The following RXRA variants were observed in gnomAD, a reference collection of about 807,000 sequenced individuals.
The protein encoded by RXRA is retinoid X receptor alpha.
Under a neutral mutation model 44.5 loss-of-function variants are expected in RXRA, and 5 were observed. The ratio of observed to expected loss-of-function variants is 0.11; its 90% CI spans 0.06 to 0.24. The LOEUF is 0.24. Ranked by LOEUF, RXRA falls within the 10% of genes least tolerant of loss-of-function variation. The probability of loss-of-function intolerance (pLI) is 1.00; values close to 1 mark genes in which losing one functional copy is unlikely to be tolerated. For synonymous variants in RXRA, 291 were observed against 271.4 expected, an observed-to-expected ratio of 1.07 and a Z score of -0.71; for missense variants, 412 against 646.5, an observed-to-expected ratio of 0.64 and a Z score of 3.93.
intron 1 of RXRA, among the ~76,000 whole-genome samples, chr9:134,348,795 T>TCATGTACCTCC (rs111279776): frequency 0.014 from 2,092 of 151,988 alleles, 28 homozygotes; most frequent in South Asian, 0.067. Flanking sequence ...TCAGAAGACT[T>TCATGTACCTCC]CCCGGACGCT....
At chr9:134,379,419 T>C (rs916008288) in intron 1 of RXRA, 3 of 987,446 alleles carry the variant, frequency 3.0e-6, no homozygotes, top group African/African-American at 3.5e-5. Context: ...GGGCCTCCCT[T>C]CACTTCCTGG....
intron 1 of RXRA, among the ~76,000 whole-genome samples, chr9:134,335,199 T>G (rs1176175308): frequency 5.9e-5 from 9 of 152,152 alleles, no homozygotes; most frequent in African/African-American, 2.2e-4. Context: ...AACTAACTGG[T>G]GAGGTAGGCT....
rs1191199816 is a variant in RXRA, at chr9:134,365,679, C to T, written c.29-35953C>T. ...AGTGGGGATGAGTTTCAGGTCTGTT[C>T]TTGGTGGCTGTTAACTCTAGGCCAG... is the stretch of plus-strand genomic sequence containing the variant. On this transcript the variant is annotated intron_variant, in intron 1 of 9. Transcript: ENST00000481739. This position sits in a 1 kb window ranked among gnomAD's most constrained non-coding sequence, Gnocchi z 4.0. Among the ~76,000 whole-genome samples the T allele has an allele frequency of 6.6e-6, 1 of 151,528 alleles. No homozygotes were observed. The highest frequency in any genetic ancestry group is 6.6e-5 in the Admixed American group (1 of 15,190).
intron 1 of RXRA, among the ~76,000 whole-genome samples, chr9:134,341,978 C>G (rs569524871): frequency 6.6e-6 from 1 of 152,272 alleles, no homozygotes; most frequent in Admixed American, 6.5e-5. Context: ...CCGCTGTGCT[C>G]CAGGGTCTGT....
intron 8 of RXRA, among the ~76,000 whole-genome samples, chr9:134,432,994 G>A (rs1407490886): frequency 6.6e-6 from 1 of 152,134 alleles, no homozygotes; most frequent in East Asian, 1.9e-4. Context: ...GCTGGGGTGT[G>A]GAGGGAGAGG....
chr9:134,361,915 C>T (rs568339520), intron 1 of RXRA, among the ~76,000 whole-genome samples: 2 of 152,312 alleles, frequency 1.3e-5, no homozygotes, highest in East Asian at 1.9e-4. Context: ...TGTGTTCATG[C>T]CCTGGGGGGC....
chr9:134,374,144 C>T (rs1230671457), intron 1 of RXRA: 1 of 152,298 alleles, frequency 6.6e-6, no homozygotes, highest in Non-Finnish European at 1.5e-5. Flanking sequence ...AGGGTGCCAT[C>T]CCCTTTCTGG....
chr9:134,420,285 G>A (rs1831307647), intron 5 of RXRA, among the ~76,000 whole-genome samples: 1 of 152,236 alleles, frequency 6.6e-6, no homozygotes, highest in Admixed American at 6.5e-5. Flanking sequence ...AGAGGCTGAG[G>A]CTAAGAAGCC....
intron 1 of RXRA, among the ~76,000 whole-genome samples, chr9:134,350,976 AG>A (rs1202872145): frequency 6.6e-6 from 1 of 152,130 alleles, no homozygotes; most frequent in African/African-American, 2.4e-5. Flanking sequence ...TGCCTCAGCA[AG>A]GGGGGGCTGA....
chr9:134,372,933 T>C (rs887533104), intron 1 of RXRA, among the ~76,000 whole-genome samples: 2 of 152,218 alleles, frequency 1.3e-5, no homozygotes, highest in African/African-American at 2.4e-5. Context: ...AGACCCAGCC[T>C]TCCTGGTTGC....
chr9:134,419,668 A>C (rs1326301008), intron 5 of RXRA, among the ~76,000 whole-genome samples: 1 of 152,210 alleles, frequency 6.6e-6, no homozygotes, highest in Non-Finnish European at 1.5e-5. Context: ...AGTAGAGCCC[A>C]TCACACGCCT....
rs1290716737 is a variant in RXRA at position 134,379,487 on chromosome 9, C to T, written c.29-22145C>T. Reference sequence around the variant, plus strand: ...TGGAGGAGGGCCCCCAGGACCGAGTCGCTGCCCATCACTGACCGTCTGTGG... The same window carrying T: ...TGGAGGAGGGCCCCCAGGACCGAGTTGCTGCCCATCACTGACCGTCTGTGG... On this transcript the variant is annotated intron_variant, in intron 1 of 9. Coordinates refer to ENST00000481739, the MANE Select transcript of RXRA (RefSeq NM_002957.6). 1.2e-5 allele frequency: 12 copies of T among 986,596 alleles called. No individual in the cohort carries two copies. The Admixed American group carries it at 1.8e-4, about 15-fold the overall frequency. 61.1% of individuals were successfully genotyped at this position (986,596 alleles called of 1,614,324 possible).
chr9:134,348,552 G>A (rs763554732), intron 1 of RXRA, among the ~76,000 whole-genome samples: 2 of 152,194 alleles, frequency 1.3e-5, no homozygotes, highest in East Asian at 3.9e-4. Context: ...ATCTGATCCC[G>A]GGGGACGCAG....
At chr9:134,347,689 G>A (rs1425430297) in intron 1 of RXRA, among the ~76,000 whole-genome samples, 2 of 152,340 alleles carry the variant, frequency 1.3e-5, no homozygotes, top group Middle Eastern at 3.4e-3. Flanking sequence ...AGGAGCAGCC[G>A]GTGGGGAGGT....
chr9:134,408,449 C>T, intron 3 of RXRA, 150 bp downstream of exon 3: 1 of 810,716 alleles, frequency 1.2e-6, no homozygotes, highest in Non-Finnish European at 1.9e-6. Context: ...TGCCCCACTC[C>T]CAGGGCTCCG....
intron 5 of RXRA, among the ~76,000 whole-genome samples, chr9:134,421,287 T>A (rs1319155563): frequency 6.6e-6 from 1 of 152,218 alleles, no homozygotes; most frequent in African/African-American, 2.4e-5. Context: ...TGGCCTCTGC[T>A]TCTGGCACAT....
chr9:134,424,556 A>T (rs1831402423), intron 6 of RXRA: 1 of 985,276 alleles, frequency 1.0e-6, no homozygotes, highest in African/African-American at 1.7e-5. Context: ...ACCTTGGCTG[A>T]GTCACTTACT....
At chr9:134,379,529 C>T in intron 1 of RXRA, 1 of 986,056 alleles carries the variant, frequency 1.0e-6, no homozygotes, top group Non-Finnish European at 1.2e-6. Flanking sequence ...CTGCCAGTGG[C>T]CGTGGCCCAG....
At chr9:134,339,249 T>C (rs1039862243) in intron 1 of RXRA, among the ~76,000 whole-genome samples, 1 of 152,342 alleles carries the variant, frequency 6.6e-6, no homozygotes, top group Non-Finnish European at 1.5e-5. Flanking sequence ...CCTCCCGCGC[T>C]GTTCCTCCCT....
Sources: allele counts gnomAD v4.1 joint callset (sites outside exome capture counted in the v4.1 genomes callset), GRCh38; gene constraint gnomAD v4.1.1; non-coding constraint Gnocchi (gnomAD v3.1); transcripts MANE v1.5; gene names NCBI Gene and HGNC (gene_info 2026-07-23, HGNC 2026-07-21).